Variants in CDH4 observed in about 807,000 individuals in gnomAD.
CDH4 encodes cadherin-4.
Under a neutral mutation model 86.0 loss-of-function variants are expected in CDH4, and 33 were observed. The ratio of observed to expected loss-of-function variants is 0.38; its 90% CI spans 0.29 to 0.51. CDH4 has a LOEUF of 0.51. Among genes scored for constraint, CDH4 ranks in the 20% least tolerant of loss-of-function variants. CDH4 has a pLI of 0.86. For missense variants in CDH4, 1,114 were observed against 1,307.4 expected (o/e 0.85, Z 2.28); for synonymous variants, 555 against 549.4 (o/e 1.01, Z -0.14).
chr20:61,676,225 G>A lies in CDH4; in HGVS notation c.170-67338G>A, dbSNP rs980441076. Among the ~76,000 whole-genome samples, 2 of 151,972 alleles carry A rather than the reference G, an allele frequency of 1.3e-5. No individual in the cohort carries two copies. Among genetic ancestry groups the A allele is most frequent in the African/African-American group, 4.8e-5 (2 of 41,328 alleles). ...TTAACATTCGCCTGGTGTCAGGAAC[G>A]GTCAGGAACGGTGGGCTGTAATTGA... On this transcript the variant is annotated intron_variant, in intron 2 of 15. Transcript: ENST00000614565. This position sits in a 1 kb window ranked among gnomAD's most constrained non-coding sequence, Gnocchi z 4.5.
intron 2 of CDH4, among the ~76,000 whole-genome samples, chr20:61,732,181 G>A (rs2088198353): frequency 6.6e-6 from 1 of 152,214 alleles, no homozygotes. Context: ...TACAAAATAT[G>A]CATATGCGTT....
chr20:61,565,310 G>GTGT (rs1387576582), intron 2 of CDH4, among the ~76,000 whole-genome samples: 2 of 114,152 alleles, frequency 1.8e-5, no homozygotes, highest in African/African-American at 5.8e-5. Context: ...GGTGCTCTTG[G>GTGT]TGGTGGCGGT....
At chr20:61,870,976 T>C (rs761259081) in intron 6 of CDH4, among the ~76,000 whole-genome samples, 1 of 152,210 alleles carries the variant, frequency 6.6e-6, no homozygotes, top group Non-Finnish European at 1.5e-5. Flanking sequence ...ACAAGTCATA[T>C]TCCTTAGACG....
chr20:61,813,853 T>A (rs761035897), intron 4 of CDH4, among the ~76,000 whole-genome samples: 1 of 152,170 alleles, frequency 6.6e-6, no homozygotes, highest in Non-Finnish European at 1.5e-5. Context: ...CCAACGGCCC[T>A]ACCCCTGCCG....
At chr20:61,621,508 T>A (rs1000918702) in intron 2 of CDH4, among the ~76,000 whole-genome samples, 4 of 152,202 alleles carry the variant, frequency 2.6e-5, no homozygotes, top group Non-Finnish European at 5.9e-5. Context: ...ATGCAGTCAA[T>A]CAGAGTAACA....
intron 2 of CDH4, among the ~76,000 whole-genome samples, chr20:61,342,394 G>A (rs993412095): frequency 3.9e-5 from 6 of 152,232 alleles, no homozygotes; most frequent in Non-Finnish European, 7.3e-5. Context: ...ATCTGGAGGT[G>A]ATGGGAGACA....
At chr20:61,605,943 A>G (rs1222901935) in intron 2 of CDH4, among the ~76,000 whole-genome samples, 1 of 151,230 alleles carries the variant, frequency 6.6e-6, no homozygotes, top group Non-Finnish European at 1.5e-5. Flanking sequence ...TGGTAAGTCA[A>G]GGACCTCAGC....
At chr20:61,881,037 C>T (rs1356614363) in intron 7 of CDH4, among the ~76,000 whole-genome samples, 1 of 152,332 alleles carries the variant, frequency 6.6e-6, no homozygotes, top group African/African-American at 2.4e-5. Flanking sequence ...CAGGCCACTT[C>T]CTGCCAAGAG....
At chr20:61,547,274 T>G (rs917832097) in intron 2 of CDH4, among the ~76,000 whole-genome samples, 4 of 140,952 alleles carry the variant, frequency 2.8e-5, no homozygotes, top group Non-Finnish European at 4.5e-5. Flanking sequence ...GTGCAGTGGC[T>G]GGATCTCGGC....
chr20:61,807,157 G>A lies in CDH4; in HGVS notation c.576+33975G>A, dbSNP rs975302471. On this transcript the variant is annotated intron_variant, in intron 4 of 15. Coordinates refer to ENST00000614565, the MANE Select transcript of CDH4 (RefSeq NM_001794.5). This position sits in a 1 kb window ranked among gnomAD's most constrained non-coding sequence, Gnocchi z 4.5. ...CTGCAAGGCCAGTGGGGCAGGTGCC[G>A]GGAGGGCCTCGGGAGGTGCCTGGTG... Among the ~76,000 whole-genome samples the A allele has an allele frequency of 2.0e-5, 3 of 152,350 alleles. No homozygotes were observed. The highest frequency in any genetic ancestry group is 4.4e-5 in the Non-Finnish European group (3 of 68,038).
intron 4 of CDH4, among the ~76,000 whole-genome samples, chr20:61,792,083 G>A (rs1260353282): frequency 6.6e-6 from 1 of 152,124 alleles, no homozygotes; most frequent in African/African-American, 2.4e-5. Context: ...CAGAGCCCCA[G>A]GGAGGAGAGA....
rs768112429 is a variant in CDH4, at chr20:61,550,171, ACTGGCCTCCCTAGCCTGCTTCC to A, written c.170-193374_170-193353del. Among the ~76,000 whole-genome samples, 826 of 105,798 alleles carry A rather than the reference ACTGGCCTCCCTAGCCTGCTTCC, an allele frequency of 7.8e-3. 5 individuals carry two copies. Among genetic ancestry groups the A allele is most frequent in the African/African-American group, 0.02 (530 of 26,890 alleles). The allele number at this position is 105,798 out of a possible 152,430, so 69.4% of individuals were successfully genotyped here. A position where few individuals can be genotyped will look rare whatever the true frequency, so the allele number is the denominator to read the frequency against. The stretch of plus-strand genomic sequence containing the variant: ...TCCATGGCCTCCCTGCCCCAACCTC[ACTGGCCTCCCTAGCCTGCTTCC>A]CTGGCCTCCCTAGCCTGTTTCCCTG... On this transcript the variant is annotated intron_variant, in intron 2 of 15. Coordinates refer to ENST00000614565, the MANE Select transcript of CDH4 (RefSeq NM_001794.5).
chr20:61,604,126 C>T (rs1032153116), intron 2 of CDH4, among the ~76,000 whole-genome samples: 2 of 152,210 alleles, frequency 1.3e-5, no homozygotes, highest in African/African-American at 4.8e-5. Context: ...AACTCCCAGT[C>T]CAAAGTGCTG....
intron 2 of CDH4, among the ~76,000 whole-genome samples, chr20:61,671,466 A>G (rs1227168316): frequency 6.6e-6 from 1 of 152,204 alleles, no homozygotes; most frequent in East Asian, 1.9e-4. Context: ...ACTGCACTCC[A>G]GCGTGGGCAA....
At chr20:61,284,637 G>A (rs987568624) in intron 2 of CDH4, among the ~76,000 whole-genome samples, 4 of 152,230 alleles carry the variant, frequency 2.6e-5, no homozygotes, top group Non-Finnish European at 5.9e-5. Flanking sequence ...GCCGGACAGA[G>A]GTGCTGGTGA....
At chr20:61,904,481 C>A (rs2054766587) in intron 8 of CDH4, among the ~76,000 whole-genome samples, 1 of 152,106 alleles carries the variant, frequency 6.6e-6, no homozygotes, top group Non-Finnish European at 1.5e-5. Context: ...CGCCCACCAG[C>A]CAGAAGTCAG....
At chr20:61,694,694 A>G (rs755074900) in intron 2 of CDH4, among the ~76,000 whole-genome samples, 2 of 152,152 alleles carry the variant, frequency 1.3e-5, no homozygotes, top group African/African-American at 2.4e-5. Flanking sequence ...AGTTGGACAC[A>G]GGGGTGTGAG....
At chr20:61,768,923 A>G (rs1470023064) in intron 3 of CDH4, among the ~76,000 whole-genome samples, 3 of 152,186 alleles carry the variant, frequency 2.0e-5, no homozygotes, top group Admixed American at 6.5e-5. Context: ...CTGTATGGAA[A>G]CCCTTTAAAA....
chr20:61,406,002 C>G (rs953945572), intron 2 of CDH4, among the ~76,000 whole-genome samples: 2 of 152,212 alleles, frequency 1.3e-5, no homozygotes, highest in African/African-American at 4.8e-5. Context: ...AATTGATGAA[C>G]TTAATCACGT....
Sources: gnomAD v4.1 joint callset for allele counts (sites outside exome capture counted in the v4.1 genomes callset) on GRCh38, gnomAD v4.1.1 for gene constraint, Gnocchi (gnomAD v3.1) non-coding constraint, MANE v1.5 for transcripts, NCBI Gene and HGNC (gene_info 2026-07-23, HGNC 2026-07-21) for gene names.